Variants in FBXO15 observed in about 807,000 individuals in gnomAD.
The protein encoded by FBXO15 is F-box only protein 15.
In FBXO15, 30 loss-of-function variants were observed where a neutral mutation model predicts 49.5. That is an observed-to-expected ratio of 0.61 (90% confidence interval 0.45 to 0.82). The LOEUF (loss-of-function observed/expected upper bound fraction) is 0.82. Among genes scored for constraint, FBXO15 ranks in the 40% least tolerant of loss-of-function variants. FBXO15 has a pLI of 0.00. For synonymous variants in FBXO15, 250 were observed against 232.7 expected, an observed-to-expected ratio of 1.07 and a Z score of -0.68; for missense variants, 591 against 631.5, an observed-to-expected ratio of 0.94 and a Z score of 0.69.
At chr18:74,143,517 T>A (rs1246076160) in intron 1 of FBXO15, among the ~76,000 whole-genome samples, 1 of 152,234 alleles carries the variant, frequency 6.6e-6, no homozygotes, top group African/African-American at 2.4e-5. Context: ...ACATATGCTC[T>A]TTTAAGCCAG....
At chr18:74,090,633 C>A (rs921856338) in intron 8 of FBXO15, among the ~76,000 whole-genome samples, 2 of 152,108 alleles carry the variant, frequency 1.3e-5, no homozygotes, top group Non-Finnish European at 2.9e-5. Context: ...CAAATAATTT[C>A]TTTATTTCTG....
chr18:74,098,513 G>C (rs1913380698), intron 8 of FBXO15: 1 of 152,118 alleles, frequency 6.6e-6, no homozygotes, highest in Non-Finnish European at 1.5e-5. Context: ...GCAGAAGAAA[G>C]AACTTCAGAG....
At chr18:74,085,184 T>A (rs1484820024) in intron 8 of FBXO15, among the ~76,000 whole-genome samples, 1 of 151,722 alleles carries the variant, frequency 6.6e-6, no homozygotes, top group East Asian at 1.9e-4. Flanking sequence ...GATTCTAAAC[T>A]CCATATGAAA....
chr18:74,080,739 G>T (rs1002014597), intron 9 of FBXO15, among the ~76,000 whole-genome samples: 1 of 152,226 alleles, frequency 6.6e-6, no homozygotes, highest in Non-Finnish European at 1.5e-5. Context: ...TGTTTTTAAT[G>T]ATCAGAACTG....
At chr18:74,143,381 A>G (rs1405547758) in intron 1 of FBXO15, among the ~76,000 whole-genome samples, 1 of 152,210 alleles carries the variant, frequency 6.6e-6, no homozygotes, top group Non-Finnish European at 1.5e-5. Flanking sequence ...ATAAATGATG[A>G]TGATTCATGC....
At chr18:74,113,939 T>C (rs142211763) in intron 8 of FBXO15, among the ~76,000 whole-genome samples, 2 of 152,360 alleles carry the variant, frequency 1.3e-5, no homozygotes, top group African/African-American at 4.8e-5. Flanking sequence ...TGGACAGCTA[T>C]GCTGAAAATA....
chr18:74,091,196 T>C (rs1445310448), intron 8 of FBXO15, among the ~76,000 whole-genome samples: 2 of 152,174 alleles, frequency 1.3e-5, no homozygotes, highest in Non-Finnish European at 2.9e-5. Flanking sequence ...CTGTTTCGTC[T>C]GAAGTTGGAA....
At chr18:74,112,051 C>A (rs1914053684) in intron 8 of FBXO15, among the ~76,000 whole-genome samples, 1 of 152,080 alleles carries the variant, frequency 6.6e-6, no homozygotes, top group South Asian at 2.1e-4. Flanking sequence ...TAATTAATAA[C>A]CTTGTAAAAC....
chr18:74,123,662 G>A (rs1023450703), intron 7 of FBXO15, 152 bp from the exon 8 acceptor site: 13 of 859,902 alleles, frequency 1.5e-5, no homozygotes, highest in Non-Finnish European at 2.2e-5. Flanking sequence ...CTTCAATACT[G>A]TGAACTTAAA....
At chr18:74,107,129 T>C (rs996177144) in intron 8 of FBXO15, among the ~76,000 whole-genome samples, 3 of 152,022 alleles carry the variant, frequency 2.0e-5, no homozygotes, top group African/African-American at 7.2e-5. Flanking sequence ...AATTATTTTT[T>C]GTTTTATTTC....
chr18:74,085,287 G>C (rs1461901171), intron 8 of FBXO15, among the ~76,000 whole-genome samples: 1 of 152,104 alleles, frequency 6.6e-6, no homozygotes, highest in Non-Finnish European at 1.5e-5. Flanking sequence ...AGACAGTGTG[G>C]GATTATTTAT....
At chr18:74,127,945 T>G (rs1361728024) in intron 5 of FBXO15, among the ~76,000 whole-genome samples, 2 of 152,222 alleles carry the variant, frequency 1.3e-5, no homozygotes, top group Non-Finnish European at 2.9e-5. Context: ...AGTAACATAT[T>G]GTTTAGCAAA....
At chr18:74,087,153 T>C (rs1912778149) in intron 8 of FBXO15, among the ~76,000 whole-genome samples, 1 of 152,242 alleles carries the variant, frequency 6.6e-6, no homozygotes, top group South Asian at 2.1e-4. Flanking sequence ...CAAAGCATTA[T>C]CTTTTTGCTG....
At chr18:74,119,420 C>T (rs1914377796) in intron 8 of FBXO15, among the ~76,000 whole-genome samples, 1 of 152,142 alleles carries the variant, frequency 6.6e-6, no homozygotes, top group African/African-American at 2.4e-5. Context: ...CAAAATACTG[C>T]CCCATGGAAG....
rs954595850 is a variant in FBXO15 at position 74,147,754 on chromosome 18, T to C, written c.32A>G (p.Gln11Arg). Reference sequence around the variant, plus strand: ...CAGCGTCTGGAGGCCGAGCCAGTGCTGCTGCAAGATCCGACCGCGTCCAGT... The same window carrying C: ...CAGCGTCTGGAGGCCGAGCCAGTGCCGCTGCAAGATCCGACCGCGTCCAGT... Reference protein sequence around the residue: MATGRGRILQQHWLGLQTLRG... With the variant: MATGRGRILQRHWLGLQTLRG... The change falls in exon 1 of 10, where the codon CAG becomes CGG. Residue 11 changes from glutamine to arginine, a missense_variant. Coordinates refer to ENST00000419743, the MANE Select transcript of FBXO15 (RefSeq NM_001142958.2). 15 of 1,536,000 alleles carry C rather than the reference T, an allele frequency of 9.8e-6. No homozygotes were observed. The highest frequency in any genetic ancestry group is 1.3e-5 in the Non-Finnish European group (15 of 1,142,994).
intron 8 of FBXO15, among the ~76,000 whole-genome samples, chr18:74,088,896 C>T (rs1912876619): frequency 6.6e-6 from 1 of 152,138 alleles, no homozygotes; most frequent in Admixed American, 6.5e-5. Context: ...TTGTAATTCT[C>T]ACAGAATTAT....
At chr18:74,109,394 G>C (rs1023038174) in intron 8 of FBXO15, among the ~76,000 whole-genome samples, 8 of 152,202 alleles carry the variant, frequency 5.3e-5, no homozygotes, top group African/African-American at 1.9e-4. Flanking sequence ...GTGTAAATTA[G>C]TGCAACCACT....
intron 8 of FBXO15, among the ~76,000 whole-genome samples, chr18:74,119,222 A>G (rs935829794): frequency 1.3e-5 from 2 of 152,230 alleles, no homozygotes; most frequent in African/African-American, 4.8e-5. Flanking sequence ...AGCTTTGACC[A>G]AAAAGATCCT....
chr18:74,103,793 A>T (rs9950438), intron 8 of FBXO15, among the ~76,000 whole-genome samples: 27,129 of 152,096 alleles, frequency 0.18, 6,015 homozygotes, highest in African/African-American at 0.52. Flanking sequence ...TTCAAATATG[A>T]AGGACAGATA....
Sources: gnomAD v4.1 joint callset for allele counts (sites outside exome capture counted in the v4.1 genomes callset) on GRCh38, gnomAD v4.1.1 for gene constraint, MANE v1.5 for transcripts, NCBI Gene and HGNC (gene_info 2026-07-23, HGNC 2026-07-21) for gene names.